The following TNFRSF19 variants were observed in gnomAD, a reference collection of about 807,000 sequenced individuals.
TNFRSF19 encodes TNF receptor superfamily member 19.
A neutral mutation model predicts 46.4 loss-of-function variants in TNFRSF19; 27 were observed. That is an observed-to-expected ratio of 0.58 (90% CI 0.43 to 0.80). The LOEUF is 0.80. Among genes scored for constraint, TNFRSF19 ranks in the 30% least tolerant of loss-of-function variants. TNFRSF19 has a pLI of 0.00. For missense variants in TNFRSF19, 511 were observed against 530.8 expected, an observed-to-expected ratio of 0.96 and a Z score of 0.37; for synonymous variants, 204 against 205.0, an observed-to-expected ratio of 1.00 and a Z score of 0.04.
chr13:23,620,399 T>G (rs1881577862), intron 4 of TNFRSF19, among the ~76,000 whole-genome samples: 1 of 152,196 alleles, frequency 6.6e-6, no homozygotes, highest in Non-Finnish European at 1.5e-5. Flanking sequence ...GGACACCAGC[T>G]GCTTCCCTCT....
At chr13:23,600,007 T>G (rs1049502669) in intron 3 of TNFRSF19, among the ~76,000 whole-genome samples, 1 of 152,184 alleles carries the variant, frequency 6.6e-6, no homozygotes, top group Non-Finnish European at 1.5e-5. Context: ...AAAATCTGAA[T>G]GAAACTTCAC....
chr13:23,614,746 C>CAT (rs59117822), intron 3 of TNFRSF19, among the ~76,000 whole-genome samples: 5,033 of 134,776 alleles, frequency 0.037, 185 homozygotes, highest in East Asian at 0.092. Context: ...ATAAGTAATA[C>CAT]ATATATATAT....
chr13:23,583,042 G>C (rs1339624755), intron 1 of TNFRSF19, among the ~76,000 whole-genome samples: 1 of 151,650 alleles, frequency 6.6e-6, no homozygotes, highest in African/African-American at 2.4e-5. Context: ...GCAACTTTTT[G>C]TATGAAAGTT....
rs12584739 is a variant in TNFRSF19, at chr13:23,619,365, C to T, written c.359+3320C>T. ...AAAGGAAATTAGTGTTGCCTAAGGG[C>T]TGGGGTTGGGGAGAGTTGGGAATGG... On this transcript the variant is annotated intron_variant, in intron 4 of 9. Coordinates refer to ENST00000248484, the MANE Select transcript of TNFRSF19 (RefSeq NM_148957.4). Among the ~76,000 whole-genome samples the T allele has an allele frequency of 7.9e-5, 12 of 152,134 alleles. No individual in the cohort carries two copies. In the East Asian group the frequency reaches 2.1e-3, roughly 27 times the overall value.
At chr13:23,572,674 GTTAA>G (rs1190096065) in intron 1 of TNFRSF19, among the ~76,000 whole-genome samples, 2 of 152,178 alleles carry the variant, frequency 1.3e-5, no homozygotes, top group Non-Finnish European at 2.9e-5. Flanking sequence ...AATTAATTCA[GTTAA>G]TTGTTTACTT....
intron 3 of TNFRSF19, among the ~76,000 whole-genome samples, chr13:23,596,427 A>C (rs1223903910): frequency 6.6e-6 from 1 of 152,240 alleles, no homozygotes; most frequent in African/African-American, 2.4e-5. Context: ...TGGAAAGCAA[A>C]AAAAAGCAGG....
At chr13:23,653,578 G>A (rs892662247) in intron 5 of TNFRSF19, among the ~76,000 whole-genome samples, 8 of 151,934 alleles carry the variant, frequency 5.3e-5, no homozygotes, top group East Asian at 1.9e-4. Flanking sequence ...CAGTCCTTGC[G>A]GCAGTCTAGG....
intron 7 of TNFRSF19, among the ~76,000 whole-genome samples, chr13:23,667,214 GAGA>G (rs1413179577): frequency 6.6e-6 from 1 of 151,822 alleles, no homozygotes; most frequent in Non-Finnish European, 1.5e-5. Context: ...TTATAGGATT[GAGA>G]AGATTTATTT....
At chr13:23,581,573 A>G (rs1322673400) in intron 1 of TNFRSF19, among the ~76,000 whole-genome samples, 1 of 152,130 alleles carries the variant, frequency 6.6e-6, no homozygotes, top group African/African-American at 2.4e-5. Context: ...TAGGCTTTTT[A>G]CATATATTTT....
At chr13:23,584,860 A>G (rs970885585) in intron 1 of TNFRSF19, among the ~76,000 whole-genome samples, 2 of 152,240 alleles carry the variant, frequency 1.3e-5, no homozygotes, top group Non-Finnish European at 2.9e-5. Flanking sequence ...TGCCAACTCT[A>G]CTATGTAAGA....
intron 2 of TNFRSF19, among the ~76,000 whole-genome samples, 195 bp downstream of exon 2, chr13:23,590,447 G>A (rs1017196788): frequency 6.6e-5 from 10 of 152,172 alleles, no homozygotes; most frequent in Non-Finnish European, 1.2e-4. Flanking sequence ...TGATTCTCCT[G>A]CCTCAGCCTC....
chr13:23,656,235 G>A (rs1883978217), intron 5 of TNFRSF19, among the ~76,000 whole-genome samples: 1 of 152,068 alleles, frequency 6.6e-6, no homozygotes, highest in African/African-American at 2.4e-5. Flanking sequence ...TGATATTACT[G>A]TGGCAACTAT....
intron 1 of TNFRSF19, among the ~76,000 whole-genome samples, chr13:23,580,895 A>G (rs1878362159): frequency 6.6e-6 from 1 of 152,202 alleles, no homozygotes; most frequent in South Asian, 2.1e-4. Flanking sequence ...TATCTACTTT[A>G]TTACCAAAGC....
chr13:23,615,385 C>A (rs116963242), intron 3 of TNFRSF19, among the ~76,000 whole-genome samples: 2,842 of 152,288 alleles, frequency 0.019, 59 homozygotes, highest in Non-Finnish European at 0.024. Flanking sequence ...TTTCAAGGAG[C>A]TCTCCATTTG....
intron 9 of TNFRSF19, among the ~76,000 whole-genome samples, chr13:23,672,840 G>A (rs1951779615): frequency 6.6e-6 from 1 of 152,214 alleles, no homozygotes; most frequent in South Asian, 2.1e-4. Flanking sequence ...CTGTGAGTAT[G>A]CTAGGGAGAT....
intron 8 of TNFRSF19, 151 bp downstream of exon 8, chr13:23,668,233 G>T: frequency 1.4e-6 from 1 of 720,662 alleles, no homozygotes. Flanking sequence ...TCTCAGGGAA[G>T]AATTAGGTAG....
intron 2 of TNFRSF19, among the ~76,000 whole-genome samples, chr13:23,591,252 A>G (rs953910037): frequency 6.6e-6 from 1 of 152,184 alleles, no homozygotes; most frequent in African/African-American, 2.4e-5. Flanking sequence ...GAGGAGTTCA[A>G]TACCAGCTTG....
intron 1 of TNFRSF19, among the ~76,000 whole-genome samples, chr13:23,589,553 G>C (rs1879101171): frequency 6.6e-6 from 1 of 152,214 alleles, no homozygotes; most frequent in East Asian, 1.9e-4. Flanking sequence ...CACAGGAGCT[G>C]TAGAAAGGGA....
chr13:23,575,372 G>A (rs536914432), intron 1 of TNFRSF19, among the ~76,000 whole-genome samples: 38 of 152,264 alleles, frequency 2.5e-4, no homozygotes, highest in African/African-American at 9.1e-4. Context: ...ATTGGTTTAC[G>A]CACCCATGGT....
Sources: gnomAD v4.1 joint callset for allele counts (sites outside exome capture counted in the v4.1 genomes callset) on GRCh38, gnomAD v4.1.1 for gene constraint, MANE v1.5 for transcripts, NCBI Gene and HGNC (gene_info 2026-07-23, HGNC 2026-07-21) for gene names.